MVB12B: variants seen among roughly 807,000 people sequenced by gnomAD.
MVB12B encodes the protein ESCRT-I complex subunit MVB12B.
Under a neutral mutation model 41.6 loss-of-function variants are expected in MVB12B, and 16 were observed. That is an observed-to-expected ratio of 0.38 (90% confidence interval 0.26 to 0.58). The LOEUF (loss-of-function observed/expected upper bound fraction) is 0.58, where lower values mean the gene tolerates loss of function less well. MVB12B is among the 20% of genes least tolerant of loss of function. The pLI is 0.62. For missense variants in MVB12B, 274 were observed against 380.2 expected, an observed-to-expected ratio of 0.72 and a Z score of 2.32; for synonymous variants, 133 against 139.7, an observed-to-expected ratio of 0.95 and a Z score of 0.34.
intron 6 of MVB12B, among the ~76,000 whole-genome samples, chr9:126,408,603 C>T (rs56159772): frequency 0.12 from 17,531 of 151,886 alleles, 1,100 homozygotes; most frequent in African/African-American, 0.14. Flanking sequence ...TAACCTGAAA[C>T]TATCAGGATG....
chr9:126,476,613 A>G (rs897425490), intron 7 of MVB12B, among the ~76,000 whole-genome samples: 3 of 152,190 alleles, frequency 2.0e-5, no homozygotes, highest in Admixed American at 6.5e-5. Context: ...GCGGTGGCTC[A>G]CGCCTGTAAT....
Position 126,436,268 on chromosome 9 carries a change from C to T in MVB12B, c.757+14320C>T, listed in dbSNP as rs1443721697. Among the ~76,000 whole-genome samples, 2 of 152,184 alleles carry T rather than the reference C, an allele frequency of 1.3e-5. No homozygotes were observed. The highest frequency in any genetic ancestry group is 1.9e-4 in the East Asian group (1 of 5,192). On this transcript the variant is annotated intron_variant, in intron 7 of 9. Coordinates refer to ENST00000361171, the MANE Select transcript of MVB12B (RefSeq NM_033446.3). The surrounding 1 kb of genome is among the most constrained non-coding windows in gnomAD (Gnocchi z 4.1). ...TTGATGATTGGGATGTTAGCAGATA[C>T]GCCCTTTGAAACGGGAGCTGAAGAG...
chr9:126,443,336 G>T (rs1023489728), intron 7 of MVB12B, among the ~76,000 whole-genome samples: 1 of 152,134 alleles, frequency 6.6e-6, no homozygotes, highest in African/African-American at 2.4e-5. Flanking sequence ...CCCTGCAGGG[G>T]CTAGAACAGG....
intron 7 of MVB12B, among the ~76,000 whole-genome samples, chr9:126,449,198 T>C (rs568489364): frequency 6.6e-6 from 1 of 152,332 alleles, no homozygotes; most frequent in South Asian, 2.1e-4. Context: ...CCCCGGGCAG[T>C]GAGTGGGAGC....
rs528375658 is a variant in MVB12B, at chr9:126,496,866, G to A, written c.874-6311G>A. 9.9e-5 allele frequency among the ~76,000 whole-genome samples: 15 copies of A among 152,178 alleles called. No individual in the cohort carries two copies. In the South Asian group the frequency reaches 1.7e-3, roughly 17 times the overall value. ...GATAGGGTGCCCTGAAGGTGAGGGC[G>A]CTCTCCAGGCCCCTGTCCCCCAGGG... On this transcript the variant is annotated intron_variant, in intron 9 of 9. Transcript: ENST00000361171.
intron 7 of MVB12B, among the ~76,000 whole-genome samples, chr9:126,479,260 C>A (rs748323690): frequency 1.3e-5 from 2 of 152,110 alleles, no homozygotes; most frequent in African/African-American, 4.8e-5. Flanking sequence ...CTAAAATGAT[C>A]GGAAGTGTTA....
intron 3 of MVB12B, among the ~76,000 whole-genome samples, chr9:126,385,132 C>T (rs1338453999): frequency 6.6e-6 from 1 of 152,108 alleles, no homozygotes; most frequent in Non-Finnish European, 1.5e-5. Flanking sequence ...CAACAGCGCC[C>T]GGCCTCCAGT....
rs1400261603 is a variant in MVB12B at position 126,504,349 on chromosome 9, G to A, written c.*1086G>A. The A allele has an allele frequency of 6.6e-6, 1 of 152,324 alleles. No homozygotes were observed. Among genetic ancestry groups the A allele is most frequent in the African/African-American group, 2.4e-5 (1 of 41,480 alleles). The allele number at this position is 152,324 out of a possible 1,614,324, so 9.4% of individuals were successfully genotyped here. On this transcript the variant is annotated 3_prime_UTR_variant, in exon 10 of 10. Transcript: ENST00000361171. ...GTGGCTGCCATCCCTCGGGGCCCAG[G>A]CCCTCACCCGAAGGGCTGCCTCACT...
rs1259832212 is a variant in MVB12B at position 126,506,274 on chromosome 9, C to A, written c.*3011C>A. On this transcript the variant is annotated 3_prime_UTR_variant, in exon 10 of 10. Coordinates refer to ENST00000361171, the MANE Select transcript of MVB12B (RefSeq NM_033446.3). Reference sequence around the variant, plus strand: ...CAGGCTCTAGGCCAGGCTCTCTAAGCACATTTCTCCTTTCATTCCCCCTAA... The same window carrying A: ...CAGGCTCTAGGCCAGGCTCTCTAAGAACATTTCTCCTTTCATTCCCCCTAA... The A allele has an allele frequency of 6.6e-6, 1 of 152,670 alleles. No individual in the cohort carries two copies. Among genetic ancestry groups the A allele is most frequent in the Non-Finnish European group, 1.5e-5 (1 of 68,058 alleles). 9.5% of individuals were successfully genotyped at this position (152,670 alleles called of 1,614,324 possible). A position where few individuals can be genotyped will look rare whatever the true frequency, so the allele number is the denominator to read the frequency against.
intron 9 of MVB12B, among the ~76,000 whole-genome samples, chr9:126,496,855 A>G (rs1359257454): frequency 6.6e-6 from 1 of 152,008 alleles, no homozygotes; most frequent in Non-Finnish European, 1.5e-5. Flanking sequence ...GGGTGCCCTG[A>G]AGGTGAGGGC....
Position 126,470,881 on chromosome 9 carries a change from A to G in MVB12B, c.758-10488A>G, listed in dbSNP as rs115841383. Reference sequence around the variant, plus strand: ...GTTCTTATGTGAAAGCAGGTAGAAAAAGGTCAACCGTGAAAGGGTATTTCC... The same window carrying G: ...GTTCTTATGTGAAAGCAGGTAGAAAGAGGTCAACCGTGAAAGGGTATTTCC... On this transcript the variant is annotated intron_variant, in intron 7 of 9. Coordinates refer to ENST00000361171, the MANE Select transcript of MVB12B (RefSeq NM_033446.3). 4.0e-3 allele frequency among the ~76,000 whole-genome samples: 605 copies of G among 152,248 alleles called. 2 individuals are homozygous for G. Among genetic ancestry groups the G allele is most frequent in the African/African-American group, 0.014 (585 of 41,542 alleles).
rs1357992930 is a variant in MVB12B at position 126,421,936 on chromosome 9, T to C, written c.745T>C (p.Tyr249His). The change falls in exon 7 of 10, where the codon TAT becomes CAT. Residue 249 changes from tyrosine (Y) to histidine (H), a missense_variant. Transcript: ENST00000361171. The part of the protein sequence containing the change: ...TDYEYQHSNL[Y>H]AISAMDGVPF... ...CTACGAGTACCAGCACTCCAATTTG[T>C]ATGCCATATCAGGTATGTGGAGCCA... 2 of 1,613,486 alleles carry C rather than the reference T, an allele frequency of 1.2e-6. No individual in the cohort carries two copies. Among genetic ancestry groups the C allele is most frequent in the South Asian group, 2.2e-5 (2 of 91,070 alleles).
At position 126,333,001 on chromosome 9, in the gene MVB12B, A is replaced by G. The variant is rs1199553103; in HGVS notation, c.81+5991A>G. On this transcript the variant is annotated intron_variant, in intron 1 of 9. Coordinates refer to ENST00000361171, the MANE Select transcript of MVB12B (RefSeq NM_033446.3). The surrounding 1 kb of genome is among the most constrained non-coding windows in gnomAD (Gnocchi z 4.7). ...ACGTGTGCTAAGACTACGTGCTTGC[A>G]TGATGTCAGGATTCTGAGTGGTGGC... 6.6e-6 allele frequency among the ~76,000 whole-genome samples: 1 copy of G among 152,230 alleles called. No individual in the cohort carries two copies. The highest frequency in any genetic ancestry group is 2.4e-5 in the African/African-American group (1 of 41,458).
chr9:126,418,001 C>T (rs1831874800), intron 6 of MVB12B, among the ~76,000 whole-genome samples: 1 of 152,144 alleles, frequency 6.6e-6, no homozygotes, highest in Admixed American at 6.5e-5. Context: ...ACAAGACTTC[C>T]ACTCTTTCTG....
intron 6 of MVB12B, among the ~76,000 whole-genome samples, chr9:126,415,733 G>T (rs915994074): frequency 2.6e-5 from 4 of 152,114 alleles, no homozygotes; most frequent in Non-Finnish European, 5.9e-5. Context: ...CTGTGTACTG[G>T]GCATTGTTCT....
chr9:126,390,745 G>A (rs901047858), intron 4 of MVB12B, among the ~76,000 whole-genome samples: 2 of 152,146 alleles, frequency 1.3e-5, no homozygotes, highest in Non-Finnish European at 2.9e-5. Flanking sequence ...TGGATCACGA[G>A]GTCAGGAGTT....
chr9:126,406,062 T>C (rs1831413490), intron 6 of MVB12B, among the ~76,000 whole-genome samples: 1 of 151,344 alleles, frequency 6.6e-6, no homozygotes, highest in South Asian at 2.1e-4. Flanking sequence ...TTTTTTTTTT[T>C]GAGACGAAGT....
At chr9:126,423,923 GC>G (rs917405617) in intron 7 of MVB12B, among the ~76,000 whole-genome samples, 2 of 152,228 alleles carry the variant, frequency 1.3e-5, no homozygotes, top group African/African-American at 4.8e-5. Context: ...GGCAAAGTGT[GC>G]CCCAGGCCCT....
intron 9 of MVB12B, among the ~76,000 whole-genome samples, chr9:126,499,610 G>A (rs1210627274): frequency 6.6e-6 from 1 of 152,208 alleles, no homozygotes; most frequent in African/African-American, 2.4e-5. Flanking sequence ...TAAACACGGC[G>A]GGAGGAGCGG....
Sources: gnomAD v4.1 joint callset for allele counts (sites outside exome capture counted in the v4.1 genomes callset) on GRCh38, gnomAD v4.1.1 for gene constraint, Gnocchi (gnomAD v3.1) non-coding constraint, MANE v1.5 for transcripts, NCBI Gene and HGNC (gene_info 2026-07-23, HGNC 2026-07-21) for gene names.